NT5DC1: variants seen among roughly 807,000 people sequenced by gnomAD.
NT5DC1 encodes the protein 5'-nucleotidase domain-containing protein 1.
Under a neutral mutation model 59.4 loss-of-function variants are expected in NT5DC1, and 42 were observed. The observed-to-expected ratio is 0.71, with a 90% CI of 0.55 to 0.92. NT5DC1 has a LOEUF of 0.92. Ranked by LOEUF, NT5DC1 falls within the 40% of genes least tolerant of loss-of-function variation. NT5DC1 has a pLI of 0.00. For synonymous variants in NT5DC1, 172 were observed against 188.1 expected, an observed-to-expected ratio of 0.91 and a Z score of 0.70; for missense variants, 501 against 537.1, an observed-to-expected ratio of 0.93 and a Z score of 0.66.
intron 6 of NT5DC1, among the ~76,000 whole-genome samples, chr6:116,165,660 C>G (rs1780447151): frequency 6.6e-6 from 1 of 152,226 alleles, no homozygotes; most frequent in African/African-American, 2.4e-5. Flanking sequence ...ACCAGTACCA[C>G]CCCATTCAGT....
At chr6:116,113,429 A>T (rs888446961) in intron 4 of NT5DC1, among the ~76,000 whole-genome samples, 1 of 152,208 alleles carries the variant, frequency 6.6e-6, no homozygotes, top group Non-Finnish European at 1.5e-5. Flanking sequence ...CTTGATCTTG[A>T]TTCAGAGGCT....
At chr6:116,178,124 T>C (rs1312687308) in intron 6 of NT5DC1, among the ~76,000 whole-genome samples, 4 of 151,756 alleles carry the variant, frequency 2.6e-5, no homozygotes, top group African/African-American at 9.7e-5. Flanking sequence ...TGTGTGTGTG[T>C]GTGTGTGTGT....
chr6:116,186,230 A>T (rs1780994818), intron 6 of NT5DC1, among the ~76,000 whole-genome samples: 1 of 152,080 alleles, frequency 6.6e-6, no homozygotes, highest in African/African-American at 2.4e-5. Context: ...GTTTCTGCTG[A>T]GAAATCTGCT....
intron 6 of NT5DC1, among the ~76,000 whole-genome samples, chr6:116,138,439 A>G (rs1031553199): frequency 2.6e-5 from 4 of 152,178 alleles, no homozygotes; most frequent in African/African-American, 9.7e-5. Flanking sequence ...TTTCCAAACC[A>G]TCTCAAATTG....
intron 6 of NT5DC1, among the ~76,000 whole-genome samples, chr6:116,151,528 T>G (rs181723525): frequency 3.3e-5 from 5 of 152,352 alleles, no homozygotes. Flanking sequence ...TTGTTTAAAT[T>G]CGTTAATATA....
At chr6:116,102,147 C>A (rs1778671616) in intron 1 of NT5DC1, among the ~76,000 whole-genome samples, 1 of 152,164 alleles carries the variant, frequency 6.6e-6, no homozygotes, top group African/African-American at 2.4e-5. Flanking sequence ...ATTTGGAAAC[C>A]TCACAGTTTA....
intron 6 of NT5DC1, among the ~76,000 whole-genome samples, chr6:116,174,037 GT>G (rs1780677095): frequency 6.6e-6 from 1 of 152,132 alleles, no homozygotes; most frequent in South Asian, 2.1e-4. Context: ...TTTGGCTTTT[GT>G]CTGATGGTTT....
At chr6:116,121,192 T>A in intron 6 of NT5DC1, 1 of 1,613,254 alleles carries the variant, frequency 6.2e-7, no homozygotes, top group South Asian at 1.1e-5. Context: ...GTCCTCTTTC[T>A]CCCTTCAGGC....
intron 6 of NT5DC1, among the ~76,000 whole-genome samples, chr6:116,166,202 C>T (rs776035926): frequency 1.3e-5 from 2 of 152,104 alleles, no homozygotes; most frequent in Admixed American, 1.3e-4. Flanking sequence ...TTCTGCAACC[C>T]CACATCAACC....
At position 116,221,233 on chromosome 6, in the gene NT5DC1, G is replaced by C; in HGVS notation, c.704+5G>C. 6.5e-7 allele frequency: 1 copy of C among 1,536,172 alleles called. No homozygotes were observed. The highest frequency in any genetic ancestry group is 9.0e-7 in the Non-Finnish European group (1 of 1,114,556). On this transcript the variant is annotated splice_donor_5th_base_variant and intron_variant, in intron 7 of 11. Coordinates refer to ENST00000319550, the MANE Select transcript of NT5DC1 (RefSeq NM_152729.3). ...TCTCTGCGAATATATTCTTGGGTGAGTGATGAGTCATTCAGTTTTCATTGT... is the reference window on the plus strand; with the variant it reads ...TCTCTGCGAATATATTCTTGGGTGACTGATGAGTCATTCAGTTTTCATTGT...
chr6:116,147,905 G>C (rs1375628280), intron 6 of NT5DC1, among the ~76,000 whole-genome samples: 1 of 151,858 alleles, frequency 6.6e-6, no homozygotes, highest in Non-Finnish European at 1.5e-5. Flanking sequence ...GGAATCGCTT[G>C]AACCTGGGAG....
intron 2 of NT5DC1, 60 bp from the exon 3 acceptor site, chr6:116,108,304 G>A: frequency 3.9e-6 from 4 of 1,037,516 alleles, no homozygotes; most frequent in Non-Finnish European, 6.1e-6. Flanking sequence ...AATATAGGTT[G>A]TTATTTCTTA....
At chr6:116,229,426 C>T (rs375989558) in intron 8 of NT5DC1, among the ~76,000 whole-genome samples, 28 of 152,282 alleles carry the variant, frequency 1.8e-4, no homozygotes, top group African/African-American at 6.7e-4. Flanking sequence ...ATGGCCTTAG[C>T]GAGTCGCACA....
At chr6:116,187,694 T>C (rs1196507250) in intron 6 of NT5DC1, among the ~76,000 whole-genome samples, 2 of 152,028 alleles carry the variant, frequency 1.3e-5, no homozygotes, top group African/African-American at 4.8e-5. Flanking sequence ...ACTCACATAT[T>C]AGACAAAAAT....
chr6:116,161,089 G>A (rs1398294905), intron 6 of NT5DC1, among the ~76,000 whole-genome samples: 4 of 150,586 alleles, frequency 2.7e-5, no homozygotes, highest in African/African-American at 9.8e-5. Flanking sequence ...ACTATCGTAA[G>A]AACAAAAAAC....
At chr6:116,227,128 AT>A (rs1781925996) in intron 8 of NT5DC1, among the ~76,000 whole-genome samples, 1 of 152,066 alleles carries the variant, frequency 6.6e-6, no homozygotes, top group Non-Finnish European at 1.5e-5. Context: ...ACATCTCCTA[AT>A]ACCCCTACCC....
At chr6:116,175,184 C>T (rs1034118255) in intron 6 of NT5DC1, among the ~76,000 whole-genome samples, 1 of 151,994 alleles carries the variant, frequency 6.6e-6, no homozygotes, top group African/African-American at 2.4e-5. Context: ...ATTGCCATTC[C>T]AATCAGGATA....
intron 6 of NT5DC1, among the ~76,000 whole-genome samples, chr6:116,128,170 G>A (rs1457440070): frequency 2.0e-5 from 3 of 152,068 alleles, no homozygotes; most frequent in African/African-American, 4.8e-5. Flanking sequence ...CTCCCCTTTA[G>A]TTTTGGAAAA....
intron 6 of NT5DC1, among the ~76,000 whole-genome samples, chr6:116,199,139 A>T (rs1245862201): frequency 6.6e-6 from 1 of 152,052 alleles, no homozygotes; most frequent in Non-Finnish European, 1.5e-5. Flanking sequence ...AATCACCCTC[A>T]GTCAAAAGCC....
Sources: allele counts gnomAD v4.1 joint callset (sites outside exome capture counted in the v4.1 genomes callset), GRCh38; gene constraint gnomAD v4.1.1; transcripts MANE v1.5; gene names NCBI Gene and HGNC (gene_info 2026-07-23, HGNC 2026-07-21).